PRKCE: variants seen among roughly 807,000 people sequenced by gnomAD.
The protein encoded by PRKCE is protein kinase C epsilon, also known as protein kinase C epsilon type.
Under a neutral mutation model 85.4 loss-of-function variants are expected in PRKCE, and 16 were observed. The observed-to-expected ratio is 0.19, with a 90% CI of 0.13 to 0.28. The LOEUF is 0.28. PRKCE is among the 10% of genes least tolerant of loss of function. The probability of loss-of-function intolerance (pLI) is 1.00; values close to 1 mark genes in which losing one functional copy is unlikely to be tolerated. For synonymous variants in PRKCE, 388 were observed against 371.5 expected, an observed-to-expected ratio of 1.04 and a Z score of -0.51; for missense variants, 573 against 975.2, an observed-to-expected ratio of 0.59 and a Z score of 5.49.
intron 1 of PRKCE, among the ~76,000 whole-genome samples, chr2:45,798,221 GAAAAATA>G (rs1476577671): frequency 6.6e-6 from 1 of 151,996 alleles, no homozygotes; most frequent in Non-Finnish European, 1.5e-5. Flanking sequence ...AGGCAGATGG[GAAAAATA>G]AAAAATAAAT....
intron 11 of PRKCE, among the ~76,000 whole-genome samples, chr2:46,113,362 C>T (rs930546880): frequency 6.6e-6 from 1 of 152,208 alleles, no homozygotes; most frequent in South Asian, 2.1e-4. Context: ...GTTTTTAAAT[C>T]TCTTTCAATC....
At chr2:45,667,924 C>G (rs1318973697) in intron 1 of PRKCE, among the ~76,000 whole-genome samples, 1 of 152,162 alleles carries the variant, frequency 6.6e-6, no homozygotes, top group Non-Finnish European at 1.5e-5. Context: ...CTGAACCAGT[C>G]GTGTGACCTT....
chr2:46,048,318 C>G (rs574502021), intron 10 of PRKCE, among the ~76,000 whole-genome samples: 2 of 152,344 alleles, frequency 1.3e-5, no homozygotes, highest in Non-Finnish European at 2.9e-5. Context: ...TGTCCTGAGG[C>G]TTCAGCTACA....
intron 1 of PRKCE, among the ~76,000 whole-genome samples, chr2:45,723,920 A>G (rs1287680022): frequency 6.6e-6 from 1 of 152,064 alleles, no homozygotes; most frequent in Non-Finnish European, 1.5e-5. Flanking sequence ...TGTTCTTTTA[A>G]TTTGTTCATT....
chr2:45,940,647 C>A (rs78246784), intron 2 of PRKCE, among the ~76,000 whole-genome samples: 1 of 152,160 alleles, frequency 6.6e-6, no homozygotes, highest in African/African-American at 2.4e-5. Flanking sequence ...CACACTCTTG[C>A]GCTCACAAGT....
chr2:45,714,999 C>T (rs1679969143), intron 1 of PRKCE, among the ~76,000 whole-genome samples: 1 of 152,190 alleles, frequency 6.6e-6, no homozygotes, highest in East Asian at 1.9e-4. Context: ...GCAGGTTCCT[C>T]CTTAGGATTT....
chr2:45,910,468 T>C (rs949579033), intron 2 of PRKCE, among the ~76,000 whole-genome samples: 1 of 152,186 alleles, frequency 6.6e-6, no homozygotes, highest in Non-Finnish European at 1.5e-5. Flanking sequence ...AGTTGCACGA[T>C]AGAAAGGATA....
At position 45,940,060 on chromosome 2, in the gene PRKCE, G is replaced by T. The variant is rs543496656; in HGVS notation, c.413-36369G>T. ...TAGTTGACCTGATGTTTTAGAACTTGTCTCTGCGTCTTCCTGCCTTCTTCT... is the reference window on the plus strand; with the variant it reads ...TAGTTGACCTGATGTTTTAGAACTTTTCTCTGCGTCTTCCTGCCTTCTTCT... On this transcript the variant is annotated intron_variant, in intron 2 of 14. Transcript: ENST00000306156. Among the ~76,000 whole-genome samples the T allele has an allele frequency of 2.1e-4, 32 of 152,316 alleles. No individual in the cohort carries two copies. In the East Asian group the frequency reaches 5.6e-3, roughly 27 times the overall value.
At chr2:45,818,854 C>A (rs1000058985) in intron 1 of PRKCE, among the ~76,000 whole-genome samples, 2 of 152,132 alleles carry the variant, frequency 1.3e-5, no homozygotes, top group African/African-American at 4.8e-5. Flanking sequence ...CATTTGCCAC[C>A]GAGTGTATCT....
intron 10 of PRKCE, among the ~76,000 whole-genome samples, chr2:46,020,761 A>T (rs1487557806): frequency 1.3e-5 from 2 of 152,250 alleles, no homozygotes; most frequent in Non-Finnish European, 2.9e-5. Flanking sequence ...GTTGGGAGAT[A>T]ACAGGGACTG....
intron 10 of PRKCE, among the ~76,000 whole-genome samples, chr2:46,058,352 TG>T (rs1666795515): frequency 6.6e-6 from 1 of 152,226 alleles, no homozygotes; most frequent in Admixed American, 6.5e-5. Flanking sequence ...CAGGACTGGC[TG>T]GGATCCAGAT....
At chr2:45,913,026 C>A (rs1397943213) in intron 2 of PRKCE, among the ~76,000 whole-genome samples, 1 of 152,180 alleles carries the variant, frequency 6.6e-6, no homozygotes, top group Non-Finnish European at 1.5e-5. Flanking sequence ...AAACAAGTAC[C>A]ACCATCAAGT....
chr2:45,867,730 A>AGT (rs373257213), intron 2 of PRKCE, among the ~76,000 whole-genome samples: 5 of 151,182 alleles, frequency 3.3e-5, no homozygotes, highest in East Asian at 1.9e-4. Flanking sequence ...GTCTTTTTGG[A>AGT]GTGTGTGTGT....
chr2:45,963,228 T>G (rs1701498590), intron 2 of PRKCE, among the ~76,000 whole-genome samples: 1 of 152,188 alleles, frequency 6.6e-6, no homozygotes, highest in Non-Finnish European at 1.5e-5. Flanking sequence ...AATGAGTCCC[T>G]CTGCTTTCTG....
In PRKCE at chr2:46,085,752, T is replaced by TTG. The variant is rs1558437629; in HGVS notation, c.1438-455_1438-454insGT. ...GCAAAATCCGTTTTTTTTTTTTGTT[T>TTG]TTGTTTTTTTTTTTTTTTTTAGCCA... On this transcript the variant is annotated intron_variant, in intron 10 of 14. Coordinates refer to ENST00000306156, the MANE Select transcript of PRKCE (RefSeq NM_005400.3). 3.3e-4 allele frequency among the ~76,000 whole-genome samples: 4 copies of TTG among 12,104 alleles called. 1 individual carries two copies. Among genetic ancestry groups the TTG allele is most frequent in the African/African-American group, 9.8e-4 (4 of 4,100 alleles). 7.9% of individuals were successfully genotyped at this position (12,104 alleles called of 152,430 possible).
At chr2:46,158,455 G>A (rs2104571982) in intron 13 of PRKCE, among the ~76,000 whole-genome samples, 1 of 152,222 alleles carries the variant, frequency 6.6e-6, no homozygotes, top group African/African-American at 2.4e-5. Flanking sequence ...TGAGAAAGAT[G>A]AGGTGCACTG....
At chr2:45,791,018 G>A (rs1356749636) in intron 1 of PRKCE, among the ~76,000 whole-genome samples, 2 of 152,198 alleles carry the variant, frequency 1.3e-5, no homozygotes, top group Non-Finnish European at 1.5e-5. Flanking sequence ...AACAGAGCAG[G>A]CATGTGTTCC....
intron 2 of PRKCE, among the ~76,000 whole-genome samples, chr2:45,941,060 C>T (rs1334173320): frequency 1.4e-5 from 1 of 71,032 alleles, no homozygotes; most frequent in Non-Finnish European, 2.4e-5. Context: ...AGTGAGACTT[C>T]ATCCTAAAAA....
intron 14 of PRKCE, among the ~76,000 whole-genome samples, chr2:46,168,468 T>A (rs1678565919): frequency 6.6e-6 from 1 of 151,998 alleles, no homozygotes; most frequent in African/African-American, 2.4e-5. Context: ...GCGAAAGGCA[T>A]AAAAGGAGAA....
Sources: allele counts gnomAD v4.1 joint callset (sites outside exome capture counted in the v4.1 genomes callset), GRCh38; gene constraint gnomAD v4.1.1; transcripts MANE v1.5; gene names NCBI Gene and HGNC (gene_info 2026-07-23, HGNC 2026-07-21).